The following SLC2A5 variants were observed in gnomAD, a reference collection of about 807,000 sequenced individuals.
SLC2A5 encodes the protein solute carrier family 2, facilitated glucose transporter member 5.
In SLC2A5, 56 loss-of-function variants were observed where a neutral mutation model predicts 50.3. The ratio of observed to expected loss-of-function variants is 1.11; its 90% CI spans 0.90 to 1.39. The LOEUF is 1.39. Among genes scored for constraint, SLC2A5 ranks in the 40% most tolerant of loss-of-function variants. The pLI is 0.00. For synonymous variants in SLC2A5, 269 were observed against 281.9 expected, an observed-to-expected ratio of 0.95 and a Z score of 0.46; for missense variants, 566 against 650.1, an observed-to-expected ratio of 0.87 and a Z score of 1.41.
chr1:9,051,878 G>A (rs955346905), intron 3 of SLC2A5, among the ~76,000 whole-genome samples: 7 of 152,160 alleles, frequency 4.6e-5, no homozygotes, highest in African/African-American at 1.7e-4. Context: ...GCCAAAAGCT[G>A]GAAGCAACCA....
At chr1:9,039,401 T>A in intron 8 of SLC2A5, 151 bp downstream of exon 8, 1 of 596,646 alleles carries the variant, frequency 1.7e-6, no homozygotes, top group East Asian at 3.2e-5. Context: ...GAGGGGCTGG[T>A]GCGGGGCCAC....
At position 9,057,518 on chromosome 1, in the gene SLC2A5, C is replaced by T. The variant is rs13306771; in HGVS notation, c.223G>A (p.Val75Met). 23 of 1,613,766 alleles carry T rather than the reference C, an allele frequency of 1.4e-5. No homozygotes were observed. The East Asian group carries it at 1.6e-4, about 11-fold the overall frequency. ...FPLTLLWSVT[V>M]SMFPFGGFIG... is the part of the protein sequence containing the mutation. ...AACCCTCCAAATGGAAACATGGACACGGTTACAGACCACAGCAACGTCAAG... is the reference window on the plus strand; with the variant it reads ...AACCCTCCAAATGGAAACATGGACATGGTTACAGACCACAGCAACGTCAAG... Residue 75 changes from valine (V) to methionine (M), a missense_variant, in exon 3 of 12, where the codon GTG (valine) becomes ATG (methionine). Transcript: ENST00000377424.
chr1:9,038,551 G>A, intron 9 of SLC2A5, 45 bp from the exon 10 acceptor site: 1 of 1,549,342 alleles, frequency 6.5e-7, no homozygotes, highest in Non-Finnish European at 8.9e-7. Flanking sequence ...GACAAGCTAG[G>A]ACGGGACCCC....
At chr1:9,047,044 G>A (rs1013296532) in intron 4 of SLC2A5, among the ~76,000 whole-genome samples, 1 of 152,036 alleles carries the variant, frequency 6.6e-6, no homozygotes, top group Admixed American at 6.6e-5. Context: ...CATCATGATT[G>A]TAAGTTTCCT....
chr1:9,068,534 C>T (rs925516088), intron 1 of SLC2A5, among the ~76,000 whole-genome samples: 2 of 150,874 alleles, frequency 1.3e-5, no homozygotes, highest in African/African-American at 4.9e-5. Context: ...TCATTGCAGC[C>T]TCTGTTTCCC....
rs1641265641 is a variant in SLC2A5, at chr1:9,040,242, C to T, written c.572-53G>A. 3 of 1,528,646 alleles carry T rather than the reference C, an allele frequency of 2.0e-6. No homozygotes were observed. Among genetic ancestry groups the T allele is most frequent in the African/African-American group, 1.4e-5 (1 of 72,652 alleles). 94.7% of individuals were successfully genotyped at this position (1,528,646 alleles called of 1,614,324 possible). A position where few individuals can be genotyped will look rare whatever the true frequency, so the allele number is the denominator to read the frequency against. Reference sequence around the variant, plus strand: ...AGCGGCCTCCCCACCACCCCGAAGGCGCCCTCTGCAGAGCCGGCCCCAGCC... The same window carrying T: ...AGCGGCCTCCCCACCACCCCGAAGGTGCCCTCTGCAGAGCCGGCCCCAGCC... On this transcript the variant is annotated intron_variant, in intron 5 of 11. Transcript: ENST00000377424. This position sits in a 1 kb window ranked among gnomAD's most constrained non-coding sequence, Gnocchi z 4.3.
At chr1:9,059,007 C>T (rs890698852) in intron 1 of SLC2A5, among the ~76,000 whole-genome samples, 3 of 152,010 alleles carry the variant, frequency 2.0e-5, no homozygotes, top group Non-Finnish European at 2.9e-5. Context: ...GAGTGTTTGC[C>T]AGGATTAATT....
chr1:9,055,681 C>T (rs1311004806), intron 3 of SLC2A5, among the ~76,000 whole-genome samples: 1 of 151,902 alleles, frequency 6.6e-6, no homozygotes. Flanking sequence ...TTGGGGAGGC[C>T]GAGGTGGGTG....
At chr1:9,086,387 CT>C (rs34593630) in intron 1 of SLC2A5, among the ~76,000 whole-genome samples, 34,388 of 140,432 alleles carry the variant, frequency 0.24, 4,632 homozygotes, top group Non-Finnish European at 0.34. Context: ...TTTTCTCTCT[CT>C]TTTTTTTTTT....
chr1:9,076,249 C>T (rs1379105444), intron 2 of SLC2A5, among the ~76,000 whole-genome samples: 1 of 152,130 alleles, frequency 6.6e-6, no homozygotes, highest in African/African-American at 2.4e-5. Context: ...AGCCACTGCA[C>T]CTGGCCGGAT....
At position 9,076,186 on chromosome 1, in the gene SLC2A5, C is replaced by T. The variant is rs535989124; in HGVS notation, c.-58-6592G>A. 1.1e-4 allele frequency among the ~76,000 whole-genome samples: 16 copies of T among 151,972 alleles called. 1 individual carries two copies. The East Asian group carries it at 2.9e-3, about 28-fold the overall frequency. On this transcript the variant is annotated intron_variant, in intron 2 of 5. Transcript: ENST00000464985. ...GGCCAGGCTGTTCTAGAACTCCTGA[C>T]CTCAAATGATCTGACCGCCTCGGCC...
chr1:9,065,325 A>G (rs1302900011), intron 1 of SLC2A5, among the ~76,000 whole-genome samples: 1 of 152,170 alleles, frequency 6.6e-6, no homozygotes, highest in Non-Finnish European at 1.5e-5. Flanking sequence ...ACCTTCTGAC[A>G]GGGTACGATT....
chr1:9,061,525 G>A (rs1285820101), intron 1 of SLC2A5, among the ~76,000 whole-genome samples: 3 of 149,958 alleles, frequency 2.0e-5, no homozygotes, highest in Non-Finnish European at 4.4e-5. Flanking sequence ...AGGATCACTT[G>A]AGCCCAGGAA....
chr1:9,079,290 GTGCCTA>G (rs1462711493), intron 2 of SLC2A5, among the ~76,000 whole-genome samples: 2 of 152,016 alleles, frequency 1.3e-5, no homozygotes, highest in Non-Finnish European at 2.9e-5. Flanking sequence ...ACATGACAAG[GTGCCTA>G]TGTGTTTTCT....
upstream of SLC2A5, chr1:9,071,956 C>T: frequency 6.1e-6 from 1 of 163,294 alleles, no homozygotes; most frequent in Non-Finnish European, 1.3e-5. Flanking sequence ...CCGGGTCCCC[C>T]TCAGCCTCGG....
At chr1:9,086,866 C>T (rs1569928772) in intron 1 of SLC2A5, among the ~76,000 whole-genome samples, 1 of 152,124 alleles carries the variant, frequency 6.6e-6, no homozygotes, top group African/African-American at 2.4e-5. Context: ...GATTAAAAAA[C>T]CCCTAAATCC....
Position 9,040,246 on chromosome 1 carries a change from C to T in SLC2A5, c.572-57G>A, listed in dbSNP as rs1641265765. The stretch of plus-strand genomic sequence containing the variant: ...GCCTCCCCACCACCCCGAAGGCGCC[C>T]TCTGCAGAGCCGGCCCCAGCCCCGT... On this transcript the variant is annotated intron_variant, in intron 5 of 11. Transcript: ENST00000377424. This position sits in a 1 kb window ranked among gnomAD's most constrained non-coding sequence, Gnocchi z 4.3. 1.3e-6 allele frequency: 2 copies of T among 1,522,790 alleles called. No individual in the cohort carries two copies. Among genetic ancestry groups the T allele is most frequent in the Admixed American group, 2.1e-5 (1 of 48,030 alleles). The allele number at this position is 1,522,790 out of a possible 1,614,324, so 94.3% of individuals were successfully genotyped here.
rs185712490 is a variant in SLC2A5 at position 9,051,809 on chromosome 1, G to A, written c.294-4075C>T. 3.7e-4 allele frequency among the ~76,000 whole-genome samples: 57 copies of A among 152,084 alleles called. 1 individual carries two copies. The highest frequency in any genetic ancestry group is 3.3e-3 in the Admixed American group (50 of 15,282). On this transcript the variant is annotated intron_variant, in intron 3 of 11. Coordinates refer to ENST00000377424, the MANE Select transcript of SLC2A5 (RefSeq NM_003039.3). ...GTATTTACCCAAAGGAGCTGAAAAC[G>A]TATATCTACACAGAAACTTACATGT... is the stretch of plus-strand genomic sequence containing the variant.
In SLC2A5 at chr1:9,046,203, C is replaced by T. The variant is rs1418064071; in HGVS notation, c.418+1407G>A. 9.9e-5 allele frequency among the ~76,000 whole-genome samples: 15 copies of T among 152,110 alleles called. 1 individual carries two copies. The highest frequency in any genetic ancestry group is 1.9e-4 in the Non-Finnish European group (13 of 68,018). On this transcript the variant is annotated intron_variant, in intron 4 of 11. Transcript: ENST00000377424. ...GGGCTCCCTCAAGGGGCCCACTCTG[C>T]ACCTGTAGGACCCTGAGAGCTTCCA...
Sources: allele counts gnomAD v4.1 joint callset (sites outside exome capture counted in the v4.1 genomes callset), GRCh38; gene constraint gnomAD v4.1.1; non-coding constraint Gnocchi (gnomAD v3.1); transcripts MANE v1.5; gene names NCBI Gene and HGNC (gene_info 2026-07-23, HGNC 2026-07-21).